Variants in MYT1 observed in about 807,000 individuals in gnomAD.
The protein encoded by MYT1 is myelin transcription factor 1.
MYT1 carries 23 observed loss-of-function variants against 123.0 expected under a neutral mutation model. The ratio of observed to expected loss-of-function variants is 0.19; its 90% CI spans 0.13 to 0.26. MYT1 has a LOEUF of 0.26. MYT1 is among the 10% of genes least tolerant of loss of function. The pLI, the probability that MYT1 is intolerant of heterozygous loss-of-function variation, is 1.00. For missense variants in MYT1, 1,125 were observed against 1,472.5 expected, an observed-to-expected ratio of 0.76 and a Z score of 3.86; for synonymous variants, 518 against 575.3, an observed-to-expected ratio of 0.90 and a Z score of 1.43.
At chr20:64,230,722 C>T (rs1432037410) in intron 18 of MYT1, among the ~76,000 whole-genome samples, 7 of 152,202 alleles carry the variant, frequency 4.6e-5, no homozygotes, top group Admixed American at 3.3e-4. Context: ...ATAGGGGCCC[C>T]TGGCAGTGTC....
chr20:64,219,599 G>C, intron 12 of MYT1, 114 bp from the exon 13 acceptor site: 1 of 947,408 alleles, frequency 1.1e-6, no homozygotes, highest in Admixed American at 2.5e-5. Context: ...CCGTTGTCCT[G>C]CTTCCTTCTA....
At chr20:64,206,640 C>T (rs944062894) in intron 6 of MYT1, among the ~76,000 whole-genome samples, 2 of 152,344 alleles carry the variant, frequency 1.3e-5, no homozygotes, top group South Asian at 2.1e-4. Context: ...GGTCCTCAAC[C>T]CCAGCTCCCT....
rs181780586 is a variant in MYT1, at chr20:64,178,408, C to T, written c.-98-11655C>T. ...CGTGCTGTGCGTGGTCCTGGTGTCT[C>T]GTTCGTCTGAAGTCGTTTTTAGCAC... On this transcript the variant is annotated intron_variant, in intron 1 of 22. Transcript: ENST00000328439. Among the ~76,000 whole-genome samples, 182 of 152,268 alleles carry T rather than the reference C, an allele frequency of 1.2e-3. 1 individual carries two copies. The highest frequency in any genetic ancestry group is 3.8e-3 in the African/African-American group (158 of 41,504).
chr20:64,194,977 C>T (rs1339746696), intron 2 of MYT1, among the ~76,000 whole-genome samples: 2 of 152,080 alleles, frequency 1.3e-5, no homozygotes, highest in African/African-American at 4.8e-5. Flanking sequence ...CTCACCTCAA[C>T]CTTTGCCTCG....
At chr20:64,170,880 TATATAGAGAGAGAGAGAG>T (rs1214894327) in intron 1 of MYT1, among the ~76,000 whole-genome samples, 42 of 49,136 alleles carry the variant, frequency 8.5e-4, no homozygotes, top group African/African-American at 1.2e-3. Flanking sequence ...TATATATATA[TATATAGAGAGAGAGAGAG>T]AGAGAGAGAG....
Position 64,227,400 on chromosome 20 carries a change from T to C in MYT1, c.2529-15T>C. On this transcript the variant is annotated splice_polypyrimidine_tract_variant and intron_variant, in intron 16 of 22. Transcript: ENST00000328439. Reference sequence around the variant, plus strand: ...CCTTCACGGGCTCCCGTTCCAGTTCTGCTTCCCTCTGCAGGTGCCCCACGC... The same window carrying C: ...CCTTCACGGGCTCCCGTTCCAGTTCCGCTTCCCTCTGCAGGTGCCCCACGC... The C allele has an allele frequency of 6.2e-7, 1 of 1,612,238 alleles. No individual in the cohort carries two copies.
Position 64,208,629 on chromosome 20 carries a change from G to C in MYT1, c.1291+142G>C. On this transcript the variant is annotated intron_variant, in intron 7 of 22. Transcript: ENST00000328439. The surrounding 1 kb of genome is among the most constrained non-coding windows in gnomAD (Gnocchi z 5.4). ...GACAAAAGGACAAATACATGACACA[G>C]ACTGTGGTCAGATACTGAGCAAATG... 7.2e-7 allele frequency: 1 copy of C among 1,379,698 alleles called. No individual in the cohort carries two copies. The highest frequency in any genetic ancestry group is 9.6e-7 in the Non-Finnish European group (1 of 1,045,768). 85.5% of individuals were successfully genotyped at this position (1,379,698 alleles called of 1,614,324 possible). A position where few individuals can be genotyped will look rare whatever the true frequency, so the allele number is the denominator to read the frequency against.
chr20:64,220,345 T>G (rs1347040721), intron 13 of MYT1, among the ~76,000 whole-genome samples: 1 of 152,074 alleles, frequency 6.6e-6, no homozygotes, highest in Non-Finnish European at 1.5e-5. Flanking sequence ...TCAGGTTTCT[T>G]GGGTTTTGAG....
rs1477242744 is a variant in MYT1, at chr20:64,196,456, G to T, written c.1-2406G>T. Reference sequence around the variant, plus strand: ...AGAAAAGTGATGTAAATCAAGCAGTGCTGGTTTTGTCCAGATGCTTTCGCG... The same window carrying T: ...AGAAAAGTGATGTAAATCAAGCAGTTCTGGTTTTGTCCAGATGCTTTCGCG... On this transcript the variant is annotated intron_variant, in intron 2 of 22. Transcript: ENST00000328439. This position sits in a 1 kb window ranked among gnomAD's most constrained non-coding sequence, Gnocchi z 4.3. Among the ~76,000 whole-genome samples the T allele has an allele frequency of 3.3e-5, 5 of 152,278 alleles. No individual in the cohort carries two copies. Among genetic ancestry groups the T allele is most frequent in the Non-Finnish European group, 5.9e-5 (4 of 68,056 alleles).
chr20:64,224,706 T>C (rs1055274676), intron 16 of MYT1, among the ~76,000 whole-genome samples: 2 of 152,252 alleles, frequency 1.3e-5, no homozygotes, highest in Non-Finnish European at 2.9e-5. Flanking sequence ...TCTCCCTCTT[T>C]CCTTCTTCTC....
rs1982809093 is a variant in MYT1 at position 64,186,620 on chromosome 20, T to C, written c.-98-3443T>C. Among the ~76,000 whole-genome samples, 1 of 152,278 alleles carries C rather than the reference T, an allele frequency of 6.6e-6. No homozygotes were observed. The highest frequency in any genetic ancestry group is 2.1e-4 in the South Asian group (1 of 4,838). Reference sequence around the variant, plus strand: ...AGTCTCAGAGAGGGTAGTGACCTGCTGCTCAGGTCTGAGTTGGTGGCAGTG... The same window carrying C: ...AGTCTCAGAGAGGGTAGTGACCTGCCGCTCAGGTCTGAGTTGGTGGCAGTG... On this transcript the variant is annotated intron_variant, in intron 1 of 22. Coordinates refer to ENST00000328439, the MANE Select transcript of MYT1 (RefSeq NM_004535.3). This position sits in a 1 kb window ranked among gnomAD's most constrained non-coding sequence, Gnocchi z 4.3.
intron 14 of MYT1, 132 bp from the exon 15 acceptor site, chr20:64,222,979 A>C (rs1228431770): frequency 1.1e-6 from 1 of 893,094 alleles, no homozygotes; most frequent in Non-Finnish European, 1.8e-6. Flanking sequence ...CCAAGGACTG[A>C]GTGGAGGAGG....
chr20:64,213,754 TGAGTGTA>T lies in MYT1; in HGVS notation c.1631+108_1631+114del. ...GTGCATGTGTGTGAGTGCATGTGTG[TGAGTGTA>T]CGTGCATGTGAGTGTACGTGCATGT... On this transcript the variant is annotated intron_variant, in intron 10 of 22. Transcript: ENST00000328439. The surrounding 1 kb of genome is among the most constrained non-coding windows in gnomAD (Gnocchi z 5.6). 2 of 892,468 alleles carry T rather than the reference TGAGTGTA, an allele frequency of 2.2e-6. No individual in the cohort carries two copies. Among genetic ancestry groups the T allele is most frequent in the Non-Finnish European group, 3.6e-6 (2 of 561,492 alleles). The allele number at this position is 892,468 out of a possible 1,614,324, so 55.3% of individuals were successfully genotyped here.
At position 64,203,151 on chromosome 20, in the gene MYT1, G is replaced by T. The variant is rs1178289557; in HGVS notation, c.87-1884G>T. On this transcript the variant is annotated intron_variant, in intron 4 of 22. Transcript: ENST00000328439. The surrounding 1 kb of genome is among the most constrained non-coding windows in gnomAD (Gnocchi z 5.1). ...CACAGCCGTGTCTCACACCCTCTGA[G>T]GCTGGGGCCGGAAGGTGCAGGCCCA... 6.6e-6 allele frequency among the ~76,000 whole-genome samples: 1 copy of T among 152,204 alleles called. No individual in the cohort carries two copies. Among genetic ancestry groups the T allele is most frequent in the African/African-American group, 2.4e-5 (1 of 41,446 alleles).
intron 21 of MYT1, among the ~76,000 whole-genome samples, chr20:64,238,421 T>A (rs1408068809): frequency 6.6e-6 from 1 of 152,182 alleles, no homozygotes; most frequent in Non-Finnish European, 1.5e-5. Flanking sequence ...TGCTCTGGTC[T>A]CTACTGGCAA....
chr20:64,214,680 C>T (rs1983784898), intron 10 of MYT1, among the ~76,000 whole-genome samples: 2 of 152,224 alleles, frequency 1.3e-5, no homozygotes, highest in Admixed American at 1.3e-4. Context: ...CTAGAACTCA[C>T]ACACAGCTCC....
intron 17 of MYT1, 126 bp from the exon 18 acceptor site, chr20:64,227,762 G>A (rs553698786): frequency 5.9e-6 from 5 of 840,746 alleles, no homozygotes; most frequent in Admixed American, 5.6e-5. Context: ...CTGACCCATC[G>A]GTTGCCCTCA....
In MYT1 at chr20:64,202,233, T is replaced by G. The variant is rs1285355431; in HGVS notation, c.86+2311T>G. On this transcript the variant is annotated intron_variant, in intron 4 of 22. Transcript: ENST00000328439. The surrounding 1 kb of genome is among the most constrained non-coding windows in gnomAD (Gnocchi z 5.0). ...AGGTGAGCTGAGGAGAGGTTGGACT[T>G]GGATCGAGCAGGACCCTGAGCTGCT... 2.6e-5 allele frequency among the ~76,000 whole-genome samples: 4 copies of G among 152,186 alleles called. No homozygotes were observed. The highest frequency in any genetic ancestry group is 9.6e-5 in the African/African-American group (4 of 41,462).
intron 21 of MYT1, among the ~76,000 whole-genome samples, chr20:64,237,903 T>C (rs1324717405): frequency 6.6e-6 from 1 of 152,018 alleles, no homozygotes; most frequent in African/African-American, 2.4e-5. Context: ...AGTCAATTCC[T>C]CCATAAAATG....
Sources: allele counts gnomAD v4.1 joint callset (sites outside exome capture counted in the v4.1 genomes callset), GRCh38; gene constraint gnomAD v4.1.1; non-coding constraint Gnocchi (gnomAD v3.1); transcripts MANE v1.5; gene names NCBI Gene and HGNC (gene_info 2026-07-23, HGNC 2026-07-21).